RNU4-1: variants seen among roughly 807,000 people sequenced by gnomAD.
The protein encoded by RNU4-1 is RNA, U4A small nuclear.
At chr12:120,293,104 A>C (rs529073526) in exon 1 of RNU4-1, 1 of 152,192 alleles carries the variant, frequency 6.6e-6, no homozygotes, top group Non-Finnish European at 1.5e-5. Context: ...CAGTCTCCGT[A>C]GAGACTGTCA....
In RNU4-1 at chr12:120,293,140, C is replaced by G. The variant is rs530805088; in HGVS notation, n.98G>C. 10 of 152,270 alleles carry G rather than the reference C, an allele frequency of 6.6e-5. No individual in the cohort carries two copies. In the South Asian group the frequency reaches 1.2e-3, roughly 19 times the overall value. The allele number at this position is 152,270 out of a possible 1,614,324, so 9.4% of individuals were successfully genotyped here. On this transcript the variant is annotated non_coding_transcript_exon_variant, in exon 1 of 1. Coordinates refer to ENST00000363925, the Ensembl canonical transcript of RNU4-1. ...AAAATTGCCAGTGCCGACTATATTG[C>G]AAGTCGTCACGGCGGGGTATTGGGA...
chr12:120,293,209 T>A (rs190053144), exon 1 of RNU4-1: 3 of 152,192 alleles, frequency 2.0e-5, no homozygotes, highest in Admixed American at 1.3e-4. Flanking sequence ...TAGACCTCAT[T>A]GGCTACGATA....
At chr12:120,293,109 CTG>C (rs1566457386) in exon 1 of RNU4-1, 3 of 152,120 alleles carry the variant, frequency 2.0e-5, no homozygotes, top group African/African-American at 4.8e-5. Flanking sequence ...TCCGTAGAGA[CTG>C]TCAAAAATTG....
rs566554208 is a variant in RNU4-1, at chr12:120,293,147, T to C, written n.91A>G. 6 of 152,314 alleles carry C rather than the reference T, an allele frequency of 3.9e-5. No individual in the cohort carries two copies. The South Asian group carries it at 6.2e-4, about 16-fold the overall frequency. The allele number at this position is 152,314 out of a possible 1,614,324, so 9.4% of individuals were successfully genotyped here. The stretch of plus-strand genomic sequence containing the variant: ...CCAGTGCCGACTATATTGCAAGTCG[T>C]CACGGCGGGGTATTGGGAAAAGTTT... On this transcript the variant is annotated non_coding_transcript_exon_variant, in exon 1 of 1. Coordinates refer to ENST00000363925, the Ensembl canonical transcript of RNU4-1.
chr12:120,293,207 A>C (rs561977805), exon 1 of RNU4-1: 17 of 152,290 alleles, frequency 1.1e-4, no homozygotes, highest in African/African-American at 3.6e-4. Context: ...GATAGACCTC[A>C]TTGGCTACGA....
exon 1 of RNU4-1, chr12:120,293,109 C>T (rs762998165): frequency 8.5e-5 from 13 of 152,238 alleles, no homozygotes; most frequent in East Asian, 1.9e-4. Flanking sequence ...TCCGTAGAGA[C>T]TGTCAAAAAT....
At chr12:120,293,107 G>GA (rs1160800585) in exon 1 of RNU4-1, 2 of 152,056 alleles carry the variant, frequency 1.3e-5, no homozygotes, top group Non-Finnish European at 2.9e-5. Flanking sequence ...TCTCCGTAGA[G>GA]ACTGTCAAAA....
chr12:120,293,221 T>A (rs910892351), exon 1 of RNU4-1: 1 of 152,204 alleles, frequency 6.6e-6, no homozygotes, highest in South Asian at 2.1e-4. Context: ...GCTACGATAC[T>A]GCCACTGCGC....
exon 1 of RNU4-1, chr12:120,293,106 A>G (rs758307197): frequency 1.3e-5 from 2 of 152,164 alleles, no homozygotes; most frequent in African/African-American, 2.4e-5. Context: ...GTCTCCGTAG[A>G]GACTGTCAAA....
chr12:120,293,113 C>CA (rs1566457405), exon 1 of RNU4-1: 16 of 152,114 alleles, frequency 1.1e-4, no homozygotes, highest in African/African-American at 3.1e-4. Context: ...TAGAGACTGT[C>CA]AAAAATTGCC....
At chr12:120,293,199 T>A (rs557705434) in exon 1 of RNU4-1, 6 of 152,206 alleles carry the variant, frequency 3.9e-5, no homozygotes, top group Non-Finnish European at 1.5e-5. Context: ...GCGCCTCGGA[T>A]AGACCTCATT....
exon 1 of RNU4-1, chr12:120,293,127 GC>G (rs1872123342): frequency 6.6e-6 from 1 of 152,166 alleles, no homozygotes; most frequent in Non-Finnish European, 1.5e-5. Context: ...AATTGCCAGT[GC>G]CGACTATATT....
At chr12:120,293,105 G>T (rs549585623) in exon 1 of RNU4-1, 1 of 152,068 alleles carries the variant, frequency 6.6e-6, no homozygotes, top group African/African-American at 2.4e-5. Flanking sequence ...AGTCTCCGTA[G>T]AGACTGTCAA....
exon 1 of RNU4-1, chr12:120,293,112 T>C (rs547356389): frequency 3.9e-5 from 6 of 152,118 alleles, no homozygotes; most frequent in Middle Eastern, 6.3e-3. Flanking sequence ...GTAGAGACTG[T>C]CAAAAATTGC....
At chr12:120,293,157 G>C (rs76386952) in exon 1 of RNU4-1, 2 of 152,154 alleles carry the variant, frequency 1.3e-5, no homozygotes, top group Non-Finnish European at 1.5e-5. Context: ...TCACGGCGGG[G>C]TATTGGGAAA....
exon 1 of RNU4-1, chr12:120,293,147 T>A (rs566554208): frequency 6.6e-6 from 1 of 152,196 alleles, no homozygotes; most frequent in African/African-American, 2.4e-5. Flanking sequence ...TTGCAAGTCG[T>A]CACGGCGGGG....
chr12:120,293,104 A>T (rs529073526), exon 1 of RNU4-1: 1 of 152,310 alleles, frequency 6.6e-6, no homozygotes, highest in East Asian at 1.9e-4. Context: ...CAGTCTCCGT[A>T]GAGACTGTCA....
downstream of RNU4-1, chr12:120,293,095 A>T (rs1032594106): frequency 1.3e-5 from 2 of 152,242 alleles, no homozygotes; most frequent in East Asian, 1.9e-4. Context: ...AAGAAAATTC[A>T]GTCTCCGTAG....
exon 1 of RNU4-1, chr12:120,293,098 C>G (rs561684793): frequency 6.6e-6 from 1 of 152,086 alleles, no homozygotes; most frequent in East Asian, 1.9e-4. Flanking sequence ...AAAATTCAGT[C>G]TCCGTAGAGA....
Sources: gnomAD v4.1 joint callset for allele counts on GRCh38, gnomAD v4.1.1 for gene constraint, MANE v1.5 for transcripts, NCBI Gene and HGNC (gene_info 2026-07-23, HGNC 2026-07-21) for gene names.